PARD3: variants seen among roughly 807,000 people sequenced by gnomAD.
PARD3 encodes par-3 family cell polarity regulator, also known as partitioning defective 3 homolog.
PARD3 carries 75 observed loss-of-function variants against 155.4 expected under a neutral mutation model. That is an observed-to-expected ratio of 0.48 (90% confidence interval 0.40 to 0.58). The LOEUF (loss-of-function observed/expected upper bound fraction) is 0.58. PARD3 is among the 20% of genes least tolerant of loss of function. PARD3 has a pLI of 0.00. For missense variants in PARD3, 1,642 were observed against 1,721.7 expected (o/e 0.95, Z 0.82); for synonymous variants, 576 against 610.5 (o/e 0.94, Z 0.83).
intron 1 of PARD3, among the ~76,000 whole-genome samples, chr10:34,752,893 C>G (rs1027911047): frequency 1.3e-5 from 2 of 152,308 alleles, no homozygotes; most frequent in South Asian, 4.1e-4. Context: ...TTCAAGAAAG[C>G]CTATCCTTAC....
intron 22 of PARD3, among the ~76,000 whole-genome samples, chr10:34,146,995 T>C (rs1157411507): frequency 6.6e-6 from 1 of 152,162 alleles, no homozygotes; most frequent in Admixed American, 6.6e-5. Flanking sequence ...AAAGGTTTAC[T>C]GAAAGCCTTT....
rs977401046 is a variant in PARD3 at position 34,544,593 on chromosome 10, T to C, written c.223-27434A>G. 7.9e-5 allele frequency among the ~76,000 whole-genome samples: 12 copies of C among 152,184 alleles called. 1 individual carries two copies. The highest frequency in any genetic ancestry group is 6.2e-4 in the South Asian group (3 of 4,828). ...AGCACCAGCATCACCTGGGAACTGT[T>C]AGAAATGTAAATATTCAGGCCCCAT... On this transcript the variant is annotated intron_variant, in intron 2 of 24. Transcript: ENST00000374788.
chr10:34,684,633 G>A (rs1056637424), intron 2 of PARD3, among the ~76,000 whole-genome samples: 1 of 152,038 alleles, frequency 6.6e-6, no homozygotes, highest in Non-Finnish European at 1.5e-5. Context: ...CAGAAAACCT[G>A]CTGACTGGCC....
intron 4 of PARD3, 93 bp from the exon 5 acceptor site, chr10:34,450,541 T>TTCTAC (rs2132791369): frequency 8.6e-7 from 1 of 1,158,856 alleles, no homozygotes; most frequent in South Asian, 1.5e-5. Flanking sequence ...AGAAAAATGA[T>TTCTAC]TCTACATATT....
chr10:34,194,096 A>C lies in PARD3; in HGVS notation c.3420-62513T>G, dbSNP rs568750465. On this transcript the variant is annotated intron_variant, in intron 22 of 24. Transcript: ENST00000374788. ...CTCCCCCACCCAAGCTTCATAAATA[A>C]CCACTGCACTTCCAGAAGGCTCTCC... is the stretch of plus-strand genomic sequence containing the variant. Among the ~76,000 whole-genome samples the C allele has an allele frequency of 1.8e-4, 27 of 152,262 alleles. 1 individual carries two copies. The South Asian group carries it at 5.6e-3, about 32-fold the overall frequency.
At chr10:34,359,948 T>A (rs1193534556) in intron 13 of PARD3, 123 bp downstream of exon 13, 5 of 701,690 alleles carry the variant, frequency 7.1e-6, no homozygotes, top group South Asian at 3.8e-5. Flanking sequence ...TGTTTAAATG[T>A]GAATGTGGGT....
intron 14 of PARD3, among the ~76,000 whole-genome samples, chr10:34,351,264 A>G (rs559379383): frequency 1.6e-4 from 24 of 152,146 alleles, no homozygotes; most frequent in African/African-American, 5.8e-4. Context: ...TTTTTTTAGC[A>G]TATTGTATTT....
intron 5 of PARD3, among the ~76,000 whole-genome samples, chr10:34,418,853 C>T (rs1210730599): frequency 2.6e-5 from 4 of 151,496 alleles, no homozygotes; most frequent in Non-Finnish European, 4.4e-5. Context: ...TCACTGCAGC[C>T]TCCACCTCTT....
chr10:34,237,675 C>T (rs1953323892), intron 22 of PARD3, among the ~76,000 whole-genome samples: 1 of 152,112 alleles, frequency 6.6e-6, no homozygotes, highest in African/African-American at 2.4e-5. Context: ...TTTTGATTTA[C>T]TCAGGGACAT....
chr10:34,265,102 G>A (rs1356349780), intron 22 of PARD3, among the ~76,000 whole-genome samples: 1 of 152,116 alleles, frequency 6.6e-6, no homozygotes, highest in Non-Finnish European at 1.5e-5. Flanking sequence ...TCAAACACAA[G>A]GATAGGATCT....
At chr10:34,145,221 A>ATATATATTTTT (rs1491430560) in intron 22 of PARD3, among the ~76,000 whole-genome samples, 1 of 33,972 alleles carries the variant, frequency 2.9e-5, no homozygotes, top group Non-Finnish European at 5.0e-5. Context: ...ATATATATAT[A>ATATATATTTTT]TTTTTTTTTT....
chr10:34,261,763 AG>A (rs1954994002), intron 22 of PARD3, among the ~76,000 whole-genome samples: 6 of 76,176 alleles, frequency 7.9e-5, no homozygotes, highest in African/African-American at 2.8e-4. Context: ...GAAGAAAGGA[AG>A]GAAGGAAGAA....
chr10:34,653,023 A>C (rs973145996), intron 2 of PARD3, among the ~76,000 whole-genome samples: 30 of 152,248 alleles, frequency 2.0e-4, no homozygotes, highest in African/African-American at 6.5e-4. Flanking sequence ...GACTCGCAAA[A>C]AACAACAACA....
chr10:34,428,679 A>G (rs1235896895), intron 5 of PARD3, among the ~76,000 whole-genome samples: 2 of 152,194 alleles, frequency 1.3e-5, no homozygotes, highest in Non-Finnish European at 2.9e-5. Context: ...AGCCCTGCCA[A>G]TGGGACAAAA....
At chr10:34,547,929 C>T (rs1303199942) in intron 2 of PARD3, among the ~76,000 whole-genome samples, 2 of 152,156 alleles carry the variant, frequency 1.3e-5, no homozygotes, top group East Asian at 1.9e-4. Flanking sequence ...TATTGTTGCA[C>T]ATCAATGGGC....
chr10:34,349,580 T>TAAAAAAAAAAAAAAAAAAAA, intron 14 of PARD3, among the ~76,000 whole-genome samples: 5 of 44,714 alleles, frequency 1.1e-4, no homozygotes, highest in Non-Finnish European at 1.4e-4. Flanking sequence ...TCTGGGAAAG[T>TAAAAAAAAAAAAAAAAAAAA]AAAAAAAAAA....
chr10:34,556,432 G>C (rs1486145514), intron 2 of PARD3, among the ~76,000 whole-genome samples: 3 of 148,468 alleles, frequency 2.0e-5, no homozygotes, highest in Admixed American at 1.4e-4. Context: ...GCCCAGGCTA[G>C]AGTGCAGTGG....
intron 19 of PARD3, among the ~76,000 whole-genome samples, chr10:34,323,082 A>C (rs968066316): frequency 2.3e-4 from 35 of 152,226 alleles, no homozygotes; most frequent in African/African-American, 7.2e-4. Flanking sequence ...ATACAACTAA[A>C]TGAGGACTGG....
intron 2 of PARD3, among the ~76,000 whole-genome samples, chr10:34,656,993 A>C (rs1329606613): frequency 6.6e-6 from 1 of 152,242 alleles, no homozygotes; most frequent in Non-Finnish European, 1.5e-5. Flanking sequence ...AGAAGAGACA[A>C]GCTGTCACAT....
Sources: gnomAD v4.1 joint callset for allele counts (sites outside exome capture counted in the v4.1 genomes callset) on GRCh38, gnomAD v4.1.1 for gene constraint, MANE v1.5 for transcripts, NCBI Gene and HGNC (gene_info 2026-07-23, HGNC 2026-07-21) for gene names.